LRRC28: variants seen among roughly 807,000 people sequenced by gnomAD.
LRRC28 encodes leucine-rich repeat-containing protein 28.
LRRC28 carries 39 observed loss-of-function variants against 45.7 expected under a neutral mutation model. The observed-to-expected ratio is 0.85, with a 90% CI of 0.66 to 1.12. The LOEUF is 1.12. Among genes scored for constraint, LRRC28 ranks in the 50% most tolerant of loss-of-function variants. The probability of loss-of-function intolerance (pLI) is 0.00; values close to 1 mark genes in which losing one functional copy is unlikely to be tolerated. For missense variants in LRRC28, 435 were observed against 438.5 expected, an observed-to-expected ratio of 0.99 and a Z score of 0.07; for synonymous variants, 206 against 178.8, an observed-to-expected ratio of 1.15 and a Z score of -1.22.
chr15:99,297,628 C>G (rs2082299941), intron 5 of LRRC28, among the ~76,000 whole-genome samples: 1 of 151,010 alleles, frequency 6.6e-6, no homozygotes. Context: ...GGATATAGTA[C>G]TTTATTAGTA....
At chr15:99,382,736 G>T (rs1354919320) in intron 9 of LRRC28, among the ~76,000 whole-genome samples, 1 of 151,902 alleles carries the variant, frequency 6.6e-6, no homozygotes, top group Admixed American at 6.6e-5. Context: ...CTGTGACTTG[G>T]TATATGGTCC....
At chr15:99,284,763 A>G (rs1263259572) in intron 3 of LRRC28, 1 of 528,484 alleles carries the variant, frequency 1.9e-6, no homozygotes, top group Admixed American at 1.9e-5. Flanking sequence ...CATGGGTTCA[A>G]AATTTGAAGA....
chr15:99,360,066 CAAAG>C (rs999065776), intron 7 of LRRC28, among the ~76,000 whole-genome samples: 10 of 151,500 alleles, frequency 6.6e-5, no homozygotes, highest in Non-Finnish European at 1.2e-4. Flanking sequence ...CAAAACAAAA[CAAAG>C]AAAAAAAAAC....
chr15:99,306,544 G>A (rs1178228287), intron 5 of LRRC28, among the ~76,000 whole-genome samples: 2 of 152,018 alleles, frequency 1.3e-5, no homozygotes, highest in Non-Finnish European at 2.9e-5. Context: ...CTCTCTCTTG[G>A]TTAAGTAATG....
At chr15:99,357,247 C>A (rs1238042029) in intron 7 of LRRC28, among the ~76,000 whole-genome samples, 3 of 152,174 alleles carry the variant, frequency 2.0e-5, no homozygotes, top group Non-Finnish European at 4.4e-5. Context: ...ATATTAATGT[C>A]TGTCTCTCCT....
intron 9 of LRRC28, among the ~76,000 whole-genome samples, chr15:99,376,174 G>T (rs899875785): frequency 2.0e-5 from 3 of 152,002 alleles, no homozygotes; most frequent in African/African-American, 7.2e-5. Context: ...TCTTCTTTCA[G>T]TTTGTGTATG....
intron 3 of LRRC28, among the ~76,000 whole-genome samples, chr15:99,279,160 C>T (rs924784071): frequency 3.9e-5 from 6 of 152,176 alleles, no homozygotes; most frequent in Non-Finnish European, 8.8e-5. Context: ...AATATGTGAC[C>T]TTTTGTATCT....
intron 5 of LRRC28, among the ~76,000 whole-genome samples, chr15:99,315,744 GTCATGA>G (rs1955570492): frequency 6.6e-6 from 1 of 152,140 alleles, no homozygotes; most frequent in African/African-American, 2.4e-5. Flanking sequence ...TATGATAATA[GTCATGA>G]TTAAGGTAAG....
rs551262553 is a variant in LRRC28 at position 99,283,879 on chromosome 15, A to G, written c.210-3378A>G. On this transcript the variant is annotated intron_variant, in intron 3 of 9. Coordinates refer to ENST00000301981, the MANE Select transcript of LRRC28 (RefSeq NM_144598.5). The stretch of plus-strand genomic sequence containing the variant: ...AACTACTCTGAAATTACCAAAATTA[A>G]GTAAAAGGAAGTGACTTAAATTTGA... Among the ~76,000 whole-genome samples, 6 of 152,336 alleles carry G rather than the reference A, an allele frequency of 3.9e-5. No individual in the cohort carries two copies. The South Asian group carries it at 1.2e-3, about 32-fold the overall frequency.
intron 9 of LRRC28, chr15:99,384,536 T>C (rs140152754): frequency 1.4e-3 from 207 of 152,366 alleles, no homozygotes; most frequent in African/African-American, 4.1e-3. Context: ...TGATTCTCTG[T>C]CCATGCCTTG....
At chr15:99,261,727 C>T (rs186644588) in intron 2 of LRRC28, among the ~76,000 whole-genome samples, 7 of 151,884 alleles carry the variant, frequency 4.6e-5, no homozygotes, top group East Asian at 1.9e-4. Context: ...GCTCTGTCTC[C>T]GCTTACAGCA....
chr15:99,307,486 A>C (rs972546152), intron 5 of LRRC28, among the ~76,000 whole-genome samples: 1 of 152,252 alleles, frequency 6.6e-6, no homozygotes, highest in African/African-American at 2.4e-5. Flanking sequence ...TGAATATCTG[A>C]ATAAGGCAGA....
intron 7 of LRRC28, among the ~76,000 whole-genome samples, chr15:99,356,061 T>C (rs148968557): frequency 2.0e-5 from 3 of 152,360 alleles, no homozygotes; most frequent in African/African-American, 7.2e-5. Context: ...GAGTTTGCAG[T>C]TTGACGCCCA....
chr15:99,305,369 C>CT (rs1955145400), intron 5 of LRRC28, among the ~76,000 whole-genome samples: 1 of 152,102 alleles, frequency 6.6e-6, no homozygotes, highest in Non-Finnish European at 1.5e-5. Flanking sequence ...TTTCTAAACT[C>CT]TGATATTTAA....
rs576784003 is a variant in LRRC28, at chr15:99,331,480, C to T, written c.386-2443C>T. Among the ~76,000 whole-genome samples the T allele has an allele frequency of 6.6e-5, 10 of 152,310 alleles. No homozygotes were observed. In the South Asian group the frequency reaches 2.1e-3, roughly 32 times the overall value. ...GAATTTGTCTTCAAATTCTATTGCA[C>T]TGCCTCTGTCCTAGTCAAATGCCTA... On this transcript the variant is annotated intron_variant, in intron 5 of 9. Transcript: ENST00000301981.
intron 6 of LRRC28, among the ~76,000 whole-genome samples, chr15:99,344,627 A>G (rs1370347463): frequency 1.3e-5 from 2 of 152,238 alleles, no homozygotes; most frequent in Non-Finnish European, 2.9e-5. Flanking sequence ...AGCTAAGACA[A>G]GATCTGAACC....
intron 5 of LRRC28, among the ~76,000 whole-genome samples, chr15:99,291,392 A>G (rs1039444529): frequency 6.6e-6 from 1 of 152,210 alleles, no homozygotes; most frequent in African/African-American, 2.4e-5. Context: ...ACTGGGTCTT[A>G]TGAATTATTT....
intron 2 of LRRC28, chr15:99,258,099 T>A: frequency 6.4e-7 from 1 of 1,574,160 alleles, no homozygotes; most frequent in Non-Finnish European, 8.7e-7. Flanking sequence ...GAAGAGTTGG[T>A]TAAAAACCTT....
At chr15:99,342,415 C>T (rs1284582451) in intron 6 of LRRC28, among the ~76,000 whole-genome samples, 2 of 152,178 alleles carry the variant, frequency 1.3e-5, no homozygotes, top group Non-Finnish European at 2.9e-5. Context: ...CCCAGCTCTA[C>T]CACTTGATAG....
Sources: gnomAD v4.1 joint callset for allele counts (sites outside exome capture counted in the v4.1 genomes callset) on GRCh38, gnomAD v4.1.1 for gene constraint, MANE v1.5 for transcripts, NCBI Gene and HGNC (gene_info 2026-07-23, HGNC 2026-07-21) for gene names.